Variants in MLIP observed in about 807,000 individuals in gnomAD.
MLIP encodes the protein muscular LMNA interacting protein.
Under a neutral mutation model 84.8 loss-of-function variants are expected in MLIP, and 79 were observed. The ratio of observed to expected loss-of-function variants is 0.93; its 90% CI spans 0.78 to 1.12. MLIP has a LOEUF of 1.12. Ranked by LOEUF, MLIP falls within the 50% of genes most tolerant of loss-of-function variation. The pLI, the probability that MLIP is intolerant of heterozygous loss-of-function variation, is 0.00. For synonymous variants in MLIP, 504 were observed against 463.0 expected (o/e 1.09, Z -1.14); for missense variants, 1,257 against 1,160.6 (o/e 1.08, Z -1.21).
At chr6:54,146,368 T>C (rs1311711527) in intron 4 of MLIP, among the ~76,000 whole-genome samples, 1 of 152,236 alleles carries the variant, frequency 6.6e-6, no homozygotes, top group Non-Finnish European at 1.5e-5. Flanking sequence ...TTAAACGCTT[T>C]TTATAATTTT....
chr6:54,211,154 C>T (rs1037939691), intron 11 of MLIP, among the ~76,000 whole-genome samples: 2 of 152,032 alleles, frequency 1.3e-5, no homozygotes, highest in African/African-American at 2.4e-5. Flanking sequence ...GCAGGAGAAT[C>T]GCTTGAGGTT....
At chr6:54,194,766 C>T (rs1778179286) in intron 10 of MLIP, among the ~76,000 whole-genome samples, 1 of 150,956 alleles carries the variant, frequency 6.6e-6, no homozygotes, top group South Asian at 2.1e-4. Flanking sequence ...TTGTTATTTC[C>T]ATTATTCTGA....
intron 8 of MLIP, among the ~76,000 whole-genome samples, chr6:54,168,492 A>G (rs2150586646): frequency 6.6e-6 from 1 of 151,996 alleles, no homozygotes; most frequent in Admixed American, 6.6e-5. Context: ...TCACGTATTT[A>G]TGATTTCATT....
intron 9 of MLIP, among the ~76,000 whole-genome samples, chr6:54,176,149 T>C (rs1441304958): frequency 6.6e-6 from 1 of 152,072 alleles, no homozygotes; most frequent in East Asian, 1.9e-4. Flanking sequence ...GTTGAGGATT[T>C]TTGCATCAAT....
chr6:54,185,131 A>C (rs1281916169), intron 9 of MLIP, among the ~76,000 whole-genome samples: 1 of 152,220 alleles, frequency 6.6e-6, no homozygotes, highest in Non-Finnish European at 1.5e-5. Flanking sequence ...TATTGATGAC[A>C]TAATTATAGC....
intron 3 of MLIP, among the ~76,000 whole-genome samples, chr6:54,129,870 C>A (rs1415894448): frequency 1.3e-5 from 2 of 152,036 alleles, no homozygotes; most frequent in African/African-American, 4.8e-5. Flanking sequence ...TCTACATGGG[C>A]CTTCTTGGTC....
In MLIP at chr6:54,137,914, A is replaced by G; in HGVS notation, c.1845A>G (p.Pro615=). 2.0e-6 allele frequency: 3 copies of G among 1,536,092 alleles called. No individual in the cohort carries two copies. The highest frequency in any genetic ancestry group is 2.6e-6 in the Non-Finnish European group (3 of 1,146,890). The stretch of plus-strand genomic sequence containing the variant: ...CAGAGAAATGTTTCCATCCTTCCCC[A>G]GCTCTTTCAAGCCTGATAAACAGAT... ...SSSEKCFHPS[P]ALSSLINRSK... Residue 615 remains proline (P), a synonymous_variant, in exon 4 of 14, where the codon CCA becomes CCG. Coordinates refer to ENST00000502396, the MANE Select transcript of MLIP (RefSeq NM_001281747.2).
chr6:54,043,798 A>G (rs1336830539), intron 1 of MLIP, among the ~76,000 whole-genome samples: 1 of 152,210 alleles, frequency 6.6e-6, no homozygotes, highest in Non-Finnish European at 1.5e-5. Context: ...AATTTAAGGG[A>G]ATGTCAGGTG....
chr6:54,257,285 T>C (rs761220951), intron 12 of MLIP, 23 bp from the exon 13 acceptor site: 2 of 1,596,742 alleles, frequency 1.3e-6, no homozygotes, highest in East Asian at 4.5e-5. Context: ...CCTGATCATA[T>C]CCTGGGCATC....
chr6:54,252,010 A>G (rs1582633200), intron 12 of MLIP, among the ~76,000 whole-genome samples: 1 of 90,238 alleles, frequency 1.1e-5, no homozygotes, highest in Non-Finnish European at 1.8e-5. Flanking sequence ...ATAACATAAT[A>G]TATAATATAA....
At chr6:54,079,916 C>G (rs1767028082) in intron 1 of MLIP, among the ~76,000 whole-genome samples, 1 of 152,184 alleles carries the variant, frequency 6.6e-6, no homozygotes, top group Admixed American at 6.5e-5. Flanking sequence ...CTCCACAAAA[C>G]TGTCCTACAG....
intron 12 of MLIP, 139 bp downstream of exon 12, chr6:54,231,056 A>G (rs1308360462): frequency 4.7e-6 from 3 of 637,332 alleles, no homozygotes; most frequent in Non-Finnish European, 7.6e-6. Flanking sequence ...AGAATATTAA[A>G]TATTTGTGTG....
At chr6:54,055,180 C>T (rs185089121) in intron 1 of MLIP, among the ~76,000 whole-genome samples, 3 of 152,284 alleles carry the variant, frequency 2.0e-5, no homozygotes. Flanking sequence ...GCCACCGCAC[C>T]CGGCCTCATC....
At chr6:54,202,853 C>A (rs1487755069) in intron 11 of MLIP, among the ~76,000 whole-genome samples, 1 of 152,178 alleles carries the variant, frequency 6.6e-6, no homozygotes, top group Non-Finnish European at 1.5e-5. Flanking sequence ...AGCAAGTAAT[C>A]ATGCCACTGC....
chr6:54,036,557 G>C (rs1282582475), intron 1 of MLIP, among the ~76,000 whole-genome samples: 1 of 152,014 alleles, frequency 6.6e-6, no homozygotes, highest in East Asian at 1.9e-4. Context: ...GCAATAATGA[G>C]TGTTAATGAG....
At chr6:54,110,068 C>T (rs574750561), upstream of MLIP, among the ~76,000 whole-genome samples, 14 of 150,994 alleles carry the variant, frequency 9.3e-5, no homozygotes, top group Admixed American at 2.6e-4. Flanking sequence ...CTGCAAGCTC[C>T]GCCTCCCGGA....
chr6:54,032,148 G>A (rs1358715293), intron 1 of MLIP, among the ~76,000 whole-genome samples: 2 of 151,840 alleles, frequency 1.3e-5, no homozygotes, highest in Non-Finnish European at 2.9e-5. Context: ...CTCATTTTTT[G>A]CCTCAAGAAT....
chr6:54,252,166 CTATATTATAACATAATATATAACTATAA>C (rs1782642526), intron 12 of MLIP, among the ~76,000 whole-genome samples: 6 of 82,066 alleles, frequency 7.3e-5, no homozygotes, highest in Admixed American at 3.8e-4. Flanking sequence ...TAATATATAA[CTATATTATAACATAATATATAACTATAA>C]TATATTATAA....
At chr6:54,201,421 C>A (rs948713010) in intron 10 of MLIP, among the ~76,000 whole-genome samples, 77 of 152,266 alleles carry the variant, frequency 5.1e-4, no homozygotes, top group Admixed American at 3.8e-3. Context: ...TCTGGGCTGC[C>A]CCTCCATGCA....
Sources: allele counts gnomAD v4.1 joint callset (sites outside exome capture counted in the v4.1 genomes callset), GRCh38; gene constraint gnomAD v4.1.1; transcripts MANE v1.5; gene names NCBI Gene and HGNC (gene_info 2026-07-23, HGNC 2026-07-21).